The following PTPRD variants were observed in gnomAD, a reference collection of about 807,000 sequenced individuals.
PTPRD encodes the protein protein tyrosine phosphatase receptor type D.
PTPRD carries 34 observed loss-of-function variants against 214.5 expected under a neutral mutation model. The observed-to-expected ratio is 0.16, with a 90% confidence interval of 0.12 to 0.21. The LOEUF is 0.21. Among genes scored for constraint, PTPRD ranks in the 10% least tolerant of loss-of-function variants. The pLI, the probability that PTPRD is intolerant of heterozygous loss-of-function variation, is 1.00. For missense variants in PTPRD, 2,545 were observed against 2,398.7 expected (o/e 1.06, Z -1.27); for synonymous variants, 1,128 against 845.7 (o/e 1.33, Z -5.79).
intron 3 of PTPRD, among the ~76,000 whole-genome samples, chr9:10,303,840 A>G (rs1456859842): frequency 1.3e-5 from 2 of 152,176 alleles, no homozygotes; most frequent in Non-Finnish European, 2.9e-5. Context: ...AGGTTCAAAG[A>G]GGAGCTGGTA....
chr9:8,867,007 TG>T (rs1391832875), intron 11 of PTPRD, among the ~76,000 whole-genome samples: 1 of 152,198 alleles, frequency 6.6e-6, no homozygotes, highest in Non-Finnish European at 1.5e-5. Flanking sequence ...TGCAAACTTA[TG>T]TTTAATCACA....
At chr9:10,155,620 T>C (rs1309784103) in intron 3 of PTPRD, among the ~76,000 whole-genome samples, 2 of 152,146 alleles carry the variant, frequency 1.3e-5, no homozygotes, top group African/African-American at 4.8e-5. Context: ...GGTATGTTTC[T>C]TCAATACTAC....
At chr9:10,532,820 T>C (rs833432) in intron 2 of PTPRD, among the ~76,000 whole-genome samples, 121,804 of 151,582 alleles carry the variant, frequency 0.8, 49,059 homozygotes, top group East Asian at 0.91. Flanking sequence ...TTCTCTTAGG[T>C]TGTGGTTTTC....
chr9:9,494,606 G>A (rs1265753432), intron 8 of PTPRD, among the ~76,000 whole-genome samples: 1 of 152,126 alleles, frequency 6.6e-6, no homozygotes, highest in Non-Finnish European at 1.5e-5. Context: ...TAAAATACTT[G>A]GGAATCAAGG....
chr9:9,689,839 C>G (rs1185368383), intron 7 of PTPRD, among the ~76,000 whole-genome samples: 1 of 151,710 alleles, frequency 6.6e-6, no homozygotes, highest in South Asian at 2.1e-4. Flanking sequence ...TGGCTGAATA[C>G]CATTTCATTA....
At chr9:8,656,923 C>T (rs2096921219) in intron 12 of PTPRD, among the ~76,000 whole-genome samples, 1 of 152,082 alleles carries the variant, frequency 6.6e-6, no homozygotes, top group African/African-American at 2.4e-5. Context: ...AATCACATAG[C>T]TTTACATCAC....
At chr9:8,468,560 G>A (rs2096589166) in intron 31 of PTPRD, among the ~76,000 whole-genome samples, 1 of 151,866 alleles carries the variant, frequency 6.6e-6, no homozygotes, top group South Asian at 2.1e-4. Flanking sequence ...ATAATTTTGA[G>A]AGTAATGCTG....
At chr9:10,067,947 A>G (rs940808124) in intron 3 of PTPRD, among the ~76,000 whole-genome samples, 3 of 151,944 alleles carry the variant, frequency 2.0e-5, no homozygotes, top group African/African-American at 7.2e-5. Flanking sequence ...GAAGTTGGGA[A>G]GAGATGGCTC....
intron 8 of PTPRD, among the ~76,000 whole-genome samples, chr9:9,456,108 G>A (rs1485043776): frequency 6.6e-6 from 1 of 151,760 alleles, no homozygotes; most frequent in South Asian, 2.1e-4. Context: ...GTTACAGGTA[G>A]AATACGTTTA....
At chr9:10,414,416 A>G (rs1232580999) in intron 2 of PTPRD, among the ~76,000 whole-genome samples, 5 of 151,964 alleles carry the variant, frequency 3.3e-5, no homozygotes, top group Admixed American at 2.0e-4. Context: ...CAGAATTGCT[A>G]TTATTAAAAA....
intron 5 of PTPRD, among the ~76,000 whole-genome samples, chr9:9,819,920 T>TA (rs1357314647): frequency 6.6e-6 from 1 of 152,172 alleles, no homozygotes; most frequent in Non-Finnish European, 1.5e-5. Flanking sequence ...ATTGATTCCA[T>TA]ATCTTTGCTA....
At chr9:9,368,793 G>C (rs1596476523) in intron 9 of PTPRD, among the ~76,000 whole-genome samples, 1 of 151,874 alleles carries the variant, frequency 6.6e-6, no homozygotes, top group African/African-American at 2.4e-5. Context: ...AAGTTTTAGA[G>C]TACATGTGCA....
chr9:8,754,280 C>A (rs2093791313), intron 11 of PTPRD, among the ~76,000 whole-genome samples: 1 of 151,974 alleles, frequency 6.6e-6, no homozygotes, highest in Non-Finnish European at 1.5e-5. Flanking sequence ...TAAGAAAATG[C>A]AAAAACACAA....
In PTPRD at chr9:8,460,395, T is replaced by TA. The variant is rs772072565; in HGVS notation, c.3875+15dup. 2.5e-6 allele frequency: 4 copies of TA among 1,609,482 alleles called. No homozygotes were observed. Among genetic ancestry groups the TA allele is most frequent in the Non-Finnish European group, 3.4e-6 (4 of 1,178,008 alleles). On this transcript the variant is annotated intron_variant, in intron 33 of 45. Transcript: ENST00000381196. ...GCAGCCTCCAAAATTACAACAGAAATATTGGGCAAACCTACCTTTTATAAA... is the reference window on the plus strand; with the variant it reads ...GCAGCCTCCAAAATTACAACAGAAATAATTGGGCAAACCTACCTTTTATAAA...
chr9:8,957,258 A>G (rs1252020313), intron 11 of PTPRD, among the ~76,000 whole-genome samples: 2 of 151,468 alleles, frequency 1.3e-5, no homozygotes. Flanking sequence ...GGGGCTACCT[A>G]CTCCTCCAGA....
At chr9:10,086,815 T>A (rs1479633674) in intron 3 of PTPRD, among the ~76,000 whole-genome samples, 1 of 151,784 alleles carries the variant, frequency 6.6e-6, no homozygotes, top group African/African-American at 2.4e-5. Flanking sequence ...AGGAGATGAG[T>A]TCAAATCTCT....
chr9:10,205,720 A>C (rs1224997753), intron 3 of PTPRD, among the ~76,000 whole-genome samples: 2 of 152,098 alleles, frequency 1.3e-5, no homozygotes, highest in South Asian at 4.1e-4. Context: ...CATCAGCCTA[A>C]ATAATAGCAA....
chr9:9,097,963 G>A (rs2099786044), intron 10 of PTPRD, among the ~76,000 whole-genome samples: 1 of 152,108 alleles, frequency 6.6e-6, no homozygotes, highest in Non-Finnish European at 1.5e-5. Flanking sequence ...AAAAGATCCA[G>A]AGAGGGACCT....
chr9:8,449,105 G>C (rs961406389), intron 34 of PTPRD, among the ~76,000 whole-genome samples: 4 of 152,142 alleles, frequency 2.6e-5, no homozygotes, highest in Non-Finnish European at 5.9e-5. Flanking sequence ...TTCCTCTGTT[G>C]AAGCACTTAA....
Sources: gnomAD v4.1 joint callset for allele counts (sites outside exome capture counted in the v4.1 genomes callset) on GRCh38, gnomAD v4.1.1 for gene constraint, MANE v1.5 for transcripts, NCBI Gene and HGNC (gene_info 2026-07-23, HGNC 2026-07-21) for gene names.